The following SMYD4 variants were observed in gnomAD, a reference collection of about 807,000 sequenced individuals.
SMYD4 encodes SET and MYND domain containing 4.
A neutral mutation model predicts 72.8 loss-of-function variants in SMYD4; 68 were observed. That is an observed-to-expected ratio of 0.93 (90% CI 0.77 to 1.14). The LOEUF is 1.14. Among genes scored for constraint, SMYD4 ranks in the 50% most tolerant of loss-of-function variants. The pLI is 0.00. For synonymous variants in SMYD4, 407 were observed against 388.6 expected (o/e 1.05, Z -0.56); for missense variants, 984 against 1,003.7 (o/e 0.98, Z 0.27).
At chr17:1,816,007 A>G (rs1168263038) in intron 2 of SMYD4, among the ~76,000 whole-genome samples, 6 of 151,996 alleles carry the variant, frequency 3.9e-5, no homozygotes, top group African/African-American at 1.2e-4. Flanking sequence ...GCCTATTTAA[A>G]CCATTTTTTA....
chr17:1,811,716 C>G (rs1212950879), intron 3 of SMYD4, among the ~76,000 whole-genome samples: 2 of 152,130 alleles, frequency 1.3e-5, no homozygotes, highest in South Asian at 2.1e-4. Flanking sequence ...CACCTGAGGT[C>G]AGTAGTTTGA....
rs764271828 is a variant in SMYD4, at chr17:1,812,116, C to T, written c.135-1G>A. The T allele has an allele frequency of 3.1e-6, 5 of 1,611,392 alleles. No individual in the cohort carries two copies. Among genetic ancestry groups the T allele is most frequent in the African/African-American group, 1.3e-5 (1 of 74,648 alleles). On this transcript the variant is annotated splice_acceptor_variant, in intron 2 of 10. Coordinates refer to ENST00000305513, the MANE Select transcript of SMYD4 (RefSeq NM_052928.3). LOFTEE classifies it high-confidence loss of function. ...TTTTAGAAACAGCTCATCCTCAGGT[C>T]TGCATGAAGAAAGGAGGAAACAAAG...
At position 1,800,083 on chromosome 17, in the gene SMYD4, T is replaced by C; in HGVS notation, c.1311A>G (p.Pro437=). 6.2e-7 allele frequency: 1 copy of C among 1,611,416 alleles called. No homozygotes were observed. Among genetic ancestry groups the C allele is most frequent in the Non-Finnish European group, 8.5e-7 (1 of 1,178,142 alleles). Reference sequence around the variant, plus strand: ...AGAGAGCACAGAGGAATTTGTGCTCTGGGCTATGGTTTTCAGTGTGGGGCA... The same window carrying C: ...AGAGAGCACAGAGGAATTTGTGCTCCGGGCTATGGTTTTCAGTGTGGGGCA... ...NLLPHTENHS[P]EHKFLCALCV... The change falls in exon 5 of 11, where the codon CCA becomes CCG. Residue 437 remains proline, a synonymous_variant. Coordinates refer to ENST00000305513, the MANE Select transcript of SMYD4 (RefSeq NM_052928.3).
rs1275979707 is a variant in SMYD4 at position 1,799,872 on chromosome 17, T to C, written c.1522A>G (p.Thr508Ala). 6.2e-7 allele frequency: 1 copy of C among 1,600,172 alleles called. No individual in the cohort carries two copies. The highest frequency in any genetic ancestry group is 1.7e-4 in the Middle Eastern group (1 of 6,018). The change falls in exon 5 of 11, where the codon ACC (threonine) becomes GCC (alanine). Residue 508 changes from threonine to alanine, a missense_variant. By Grantham distance (58) the Thr-to-Ala change is moderately conservative. Transcript: ENST00000305513. ...TCCCTCTTACCTGTGTGTTGTATGGTGGTCATCGCCTGAGCGTTACACTGA... is the reference window on the plus strand; with the variant it reads ...TCCCTCTTACCTGTGTGTTGTATGGCGGTCATCGCCTGAGCGTTACACTGA... ...QLQCNAQAMT[T>A]IQHTGPKGSI...
chr17:1,784,125 A>G (rs1436149020), intron 8 of SMYD4, among the ~76,000 whole-genome samples: 1 of 152,222 alleles, frequency 6.6e-6, no homozygotes, highest in Non-Finnish European at 1.5e-5. Context: ...AGCTGAAATC[A>G]CCTGGCCCCT....
rs561735697 is a variant in SMYD4, at chr17:1,798,907, T to A, written c.1537+950A>T. Among the ~76,000 whole-genome samples the A allele has an allele frequency of 1.6e-3, 225 of 136,766 alleles. 3 individuals carry two copies. The highest frequency in any genetic ancestry group is 4.5e-3 in the Middle Eastern group (1 of 224). The allele number at this position is 136,766 out of a possible 152,430, so 89.7% of individuals were successfully genotyped here. On this transcript the variant is annotated intron_variant, in intron 5 of 10. Transcript: ENST00000305513. ...GCAAGACTCTGTCTCAAAAAAAAAA[T>A]AAATAAATAAAGTAAAATAAAAAAT...
At chr17:1,799,463 G>A (rs1487727400) in intron 5 of SMYD4, among the ~76,000 whole-genome samples, 2 of 150,650 alleles carry the variant, frequency 1.3e-5, no homozygotes, top group East Asian at 2.0e-4. Flanking sequence ...TCCACCTCCC[G>A]GGTTCAGGTG....
chr17:1,812,498 G>A (rs924535044), intron 2 of SMYD4, among the ~76,000 whole-genome samples: 1 of 148,726 alleles, frequency 6.7e-6, no homozygotes, highest in African/African-American at 2.5e-5. Flanking sequence ...TTGCCATGTT[G>A]CCCAGGCTGG....
chr17:1,781,602 A>G (rs1427854263), intron 10 of SMYD4, 163 bp from the exon 11 acceptor site: 6 of 724,802 alleles, frequency 8.3e-6, no homozygotes, highest in Middle Eastern at 3.6e-4. Context: ...GCTGCAAAAC[A>G]AAAGTGTGAG....
intron 2 of SMYD4, among the ~76,000 whole-genome samples, chr17:1,822,382 T>C (rs961090410): frequency 3.9e-5 from 6 of 152,214 alleles, no homozygotes; most frequent in Non-Finnish European, 5.9e-5. Flanking sequence ...TTTCTTAAAG[T>C]ATGTATGCAT....
intron 5 of SMYD4, among the ~76,000 whole-genome samples, chr17:1,792,575 A>T (rs1261222909): frequency 6.6e-6 from 1 of 151,622 alleles, no homozygotes; most frequent in African/African-American, 2.4e-5. Context: ...CTGGAGGTCG[A>T]GGCTTCAGTG....
At chr17:1,818,970 A>G (rs929661679) in intron 2 of SMYD4, among the ~76,000 whole-genome samples, 2 of 151,936 alleles carry the variant, frequency 1.3e-5, no homozygotes, top group Non-Finnish European at 2.9e-5. Context: ...TTTAATGAGT[A>G]ATTTTTTTTA....
intron 2 of SMYD4, among the ~76,000 whole-genome samples, chr17:1,825,223 T>C (rs74920663): frequency 0.011 from 1,705 of 152,164 alleles, 34 homozygotes; most frequent in African/African-American, 0.038. Flanking sequence ...TACAGAAAAA[T>C]TGTCCACCTG....
intron 2 of SMYD4, among the ~76,000 whole-genome samples, chr17:1,812,734 A>G (rs1910398254): frequency 6.6e-6 from 1 of 151,392 alleles, no homozygotes; most frequent in African/African-American, 2.4e-5. Flanking sequence ...TTTTTAGTAG[A>G]GAAAGCATTT....
intron 7 of SMYD4, among the ~76,000 whole-genome samples, chr17:1,785,265 T>C (rs952906838): frequency 2.1e-5 from 3 of 143,400 alleles, no homozygotes; most frequent in African/African-American, 5.2e-5. Context: ...CTACTAAAAA[T>C]ACAAAAAATT....
chr17:1,811,549 A>G (rs1456206610), intron 3 of SMYD4, among the ~76,000 whole-genome samples: 2 of 152,192 alleles, frequency 1.3e-5, no homozygotes, highest in African/African-American at 2.4e-5. Flanking sequence ...TTTCAAATCC[A>G]TTCAATAAAT....
chr17:1,783,285 A>C, intron 9 of SMYD4, 75 bp downstream of exon 9: 1 of 1,610,504 alleles, frequency 6.2e-7, no homozygotes, highest in Non-Finnish European at 8.5e-7. Flanking sequence ...GTAACCAGGC[A>C]GACAAGGCCG....
chr17:1,805,799 G>A (rs983698288), intron 3 of SMYD4, among the ~76,000 whole-genome samples: 1 of 151,008 alleles, frequency 6.6e-6, no homozygotes, highest in Non-Finnish European at 1.5e-5. Context: ...GCAGCAGAGT[G>A]AGACTCTGTC....
At chr17:1,789,286 G>A (rs530832763) in intron 5 of SMYD4, among the ~76,000 whole-genome samples, 11 of 152,294 alleles carry the variant, frequency 7.2e-5, no homozygotes, top group Admixed American at 2.0e-4. Context: ...TACTCGGGAG[G>A]CGAGGTACGA....
Sources: gnomAD v4.1 joint callset for allele counts (sites outside exome capture counted in the v4.1 genomes callset) on GRCh38, gnomAD v4.1.1 for gene constraint, MANE v1.5 for transcripts, NCBI Gene and HGNC (gene_info 2026-07-23, HGNC 2026-07-21) for gene names.